EXOC6B: variants seen among roughly 807,000 people sequenced by gnomAD.
EXOC6B encodes the protein exocyst complex component 6B.
EXOC6B carries 54 observed loss-of-function variants against 113.5 expected under a neutral mutation model. The observed-to-expected ratio is 0.48, with a 90% CI of 0.38 to 0.60. The LOEUF (loss-of-function observed/expected upper bound fraction) is 0.60. Ranked by LOEUF, EXOC6B falls within the 20% of genes least tolerant of loss-of-function variation. The pLI is 0.00. For missense variants in EXOC6B, 797 were observed against 977.5 expected (o/e 0.82, Z 2.46); for synonymous variants, 357 against 339.0 (o/e 1.05, Z -0.58).
intron 18 of EXOC6B, among the ~76,000 whole-genome samples, chr2:72,442,383 T>A (rs542921730): frequency 2.0e-5 from 3 of 152,018 alleles, no homozygotes; most frequent in Non-Finnish European, 4.4e-5. Flanking sequence ...ATATTCAACA[T>A]GGTAATGGAA....
intron 17 of EXOC6B, among the ~76,000 whole-genome samples, chr2:72,475,775 G>A (rs573940489): frequency 4.9e-4 from 75 of 152,216 alleles, no homozygotes; most frequent in Admixed American, 4.6e-3. Context: ...GTCAGCAGGT[G>A]GAAAACACAC....
chr2:72,539,941 T>TC (rs1177928517), intron 8 of EXOC6B, among the ~76,000 whole-genome samples: 2 of 90,860 alleles, frequency 2.2e-5, no homozygotes, highest in Non-Finnish European at 4.2e-5. Context: ...ATGCTATCCC[T>TC]CCCCCCTCCC....
intron 6 of EXOC6B, among the ~76,000 whole-genome samples, chr2:72,677,831 G>A (rs899704891): frequency 2.0e-5 from 3 of 152,068 alleles, no homozygotes; most frequent in Admixed American, 6.5e-5. Context: ...GTCTCTTAAC[G>A]ACATACAACT....
chr2:72,418,788 G>C (rs1166412614), intron 18 of EXOC6B, among the ~76,000 whole-genome samples: 1 of 152,118 alleles, frequency 6.6e-6, no homozygotes, highest in Non-Finnish European at 1.5e-5. Flanking sequence ...GACTGGAGAG[G>C]TTAAACCACT....
chr2:72,802,905 G>A (rs1021528635), intron 1 of EXOC6B, among the ~76,000 whole-genome samples: 2 of 152,186 alleles, frequency 1.3e-5, no homozygotes, highest in Non-Finnish European at 2.9e-5. Flanking sequence ...AACTCTGAGG[G>A]TGGAGCCCAG....
chr2:72,253,133 CA>C (rs1683132268), intron 20 of EXOC6B, among the ~76,000 whole-genome samples: 1 of 152,132 alleles, frequency 6.6e-6, no homozygotes, highest in South Asian at 2.1e-4. Flanking sequence ...GAATGCAAAT[CA>C]AAACCATGAG....
At chr2:72,654,200 G>A (rs1231374195) in intron 6 of EXOC6B, among the ~76,000 whole-genome samples, 1 of 152,150 alleles carries the variant, frequency 6.6e-6, no homozygotes, top group Non-Finnish European at 1.5e-5. Context: ...TCGATCTCCT[G>A]ACCTTGTGAT....
At chr2:72,592,385 C>CTT (rs1373004512) in intron 6 of EXOC6B, among the ~76,000 whole-genome samples, 1 of 152,156 alleles carries the variant, frequency 6.6e-6, no homozygotes, top group Non-Finnish European at 1.5e-5. Flanking sequence ...ATATCCCTCA[C>CTT]TTTGGGTTGG....
chr2:72,676,372 T>C (rs1021202817), intron 6 of EXOC6B, among the ~76,000 whole-genome samples: 4 of 152,202 alleles, frequency 2.6e-5, no homozygotes, highest in Non-Finnish European at 5.9e-5. Context: ...CAAAATGTCA[T>C]AGAAATGTTG....
intron 1 of EXOC6B, among the ~76,000 whole-genome samples, chr2:72,797,837 A>G (rs1685056207): frequency 1.4e-5 from 2 of 142,812 alleles, no homozygotes; most frequent in Non-Finnish European, 3.2e-5. Flanking sequence ...TTAATTAATT[A>G]ATAATAATAA....
In EXOC6B at chr2:72,203,209, T is replaced by C. The variant is rs116482391; in HGVS notation, c.2197-19022A>G. Among the ~76,000 whole-genome samples the C allele has an allele frequency of 6.1e-3, 932 of 152,310 alleles. 9 individuals carry two copies. The highest frequency in any genetic ancestry group is 0.021 in the African/African-American group (881 of 41,580). On this transcript the variant is annotated intron_variant, in intron 20 of 21. Coordinates refer to ENST00000272427, the MANE Select transcript of EXOC6B (RefSeq NM_015189.3). ...TGCCTCTTCTTTTCTCTTTGTCCTA[T>C]CTAAATCCTTCCCATTCTAAGAGAA...
chr2:72,556,114 G>T (rs1257742016), intron 8 of EXOC6B, among the ~76,000 whole-genome samples: 1 of 152,228 alleles, frequency 6.6e-6, no homozygotes, highest in Non-Finnish European at 1.5e-5. Flanking sequence ...AAGCAGACCA[G>T]TCAAGAGCAA....
In EXOC6B at chr2:72,178,213, G is replaced by A. The variant is rs551291935; in HGVS notation, c.*1122C>T. On this transcript the variant is annotated 3_prime_UTR_variant, in exon 22 of 22. Coordinates refer to ENST00000272427, the MANE Select transcript of EXOC6B (RefSeq NM_015189.3). ...GCCACAAGCCATGGTTGGCTCTGTCGACTTTATGGTAACAATGTCTCCATC... is the reference window on the plus strand; with the variant it reads ...GCCACAAGCCATGGTTGGCTCTGTCAACTTTATGGTAACAATGTCTCCATC... 4 of 152,318 alleles carry A rather than the reference G, an allele frequency of 2.6e-5. No individual in the cohort carries two copies. Among genetic ancestry groups the A allele is most frequent in the Admixed American group, 6.5e-5 (1 of 15,302 alleles). The allele number at this position is 152,318 out of a possible 1,614,324, so 9.4% of individuals were successfully genotyped here. A position where few individuals can be genotyped will look rare whatever the true frequency, so the allele number is the denominator to read the frequency against.
At chr2:72,637,131 A>G (rs1395507381) in intron 6 of EXOC6B, among the ~76,000 whole-genome samples, 3 of 152,228 alleles carry the variant, frequency 2.0e-5, no homozygotes. Flanking sequence ...CAGAATGGAC[A>G]TGCTAAAAAC....
chr2:72,697,238 G>A (rs1371833553), intron 6 of EXOC6B, among the ~76,000 whole-genome samples: 2 of 152,084 alleles, frequency 1.3e-5, no homozygotes, highest in Non-Finnish European at 2.9e-5. Context: ...AATGAGAATA[G>A]TACACATATA....
chr2:72,348,104 C>G (rs1470244111), intron 19 of EXOC6B, among the ~76,000 whole-genome samples: 1 of 152,102 alleles, frequency 6.6e-6, no homozygotes, highest in Non-Finnish European at 1.5e-5. Flanking sequence ...CCTACAGATT[C>G]AGTGTCTAGT....
intron 17 of EXOC6B, among the ~76,000 whole-genome samples, chr2:72,477,682 A>T (rs62149330): frequency 0.032 from 4,821 of 152,338 alleles, 111 homozygotes; most frequent in Non-Finnish European, 0.049. Flanking sequence ...ACAAGGCCAG[A>T]AATAATTTAA....
At chr2:72,344,505 C>G (rs551391747) in intron 19 of EXOC6B, among the ~76,000 whole-genome samples, 1 of 151,608 alleles carries the variant, frequency 6.6e-6, no homozygotes, top group Non-Finnish European at 1.5e-5. Context: ...GTATTCCTTG[C>G]GATTTTTAAT....
chr2:72,767,181 G>T (rs917590094), intron 1 of EXOC6B, among the ~76,000 whole-genome samples: 11 of 152,042 alleles, frequency 7.2e-5, no homozygotes. Flanking sequence ...TGTAATCCCT[G>T]CACTTTGGAA....
Sources: allele counts gnomAD v4.1 joint callset (sites outside exome capture counted in the v4.1 genomes callset), GRCh38; gene constraint gnomAD v4.1.1; transcripts MANE v1.5; gene names NCBI Gene and HGNC (gene_info 2026-07-23, HGNC 2026-07-21).